MCF2L2: variants seen among roughly 807,000 people sequenced by gnomAD.
The protein encoded by MCF2L2 is MCF.2 cell line derived transforming sequence-like 2, also known as probable guanine nucleotide exchange factor MCF2L2.
A neutral mutation model predicts 150.2 loss-of-function variants in MCF2L2; 102 were observed. The observed-to-expected ratio is 0.68, with a 90% CI of 0.58 to 0.80. The LOEUF is 0.80. Ranked by LOEUF, MCF2L2 falls within the 30% of genes least tolerant of loss-of-function variation. The pLI is 0.00. For missense variants in MCF2L2, 1,256 were observed against 1,372.8 expected, an observed-to-expected ratio of 0.91 and a Z score of 1.34; for synonymous variants, 465 against 491.3, an observed-to-expected ratio of 0.95 and a Z score of 0.71.
intron 1 of MCF2L2, among the ~76,000 whole-genome samples, chr3:183,411,153 T>C (rs565263672): frequency 6.6e-6 from 1 of 152,358 alleles, no homozygotes; most frequent in East Asian, 1.9e-4. Context: ...GCTAATTTTT[T>C]TTTTGGCTTT....
chr3:183,296,814 A>C (rs1728530266), intron 12 of MCF2L2, 162 bp downstream of exon 12: 1 of 641,266 alleles, frequency 1.6e-6, no homozygotes, highest in African/African-American at 1.8e-5. Context: ...CAGGACGTTC[A>C]GGCCGAGAGT....
intron 3 of MCF2L2, among the ~76,000 whole-genome samples, chr3:183,351,210 ATATATATATATATATATATATATATATT>A (rs1275208070): frequency 8.8e-5 from 7 of 79,514 alleles, no homozygotes; most frequent in African/African-American, 1.9e-4. Context: ...ATATATATAT[ATATATATATATATATATATATATATATT>A]TATTTATTTA....
intron 3 of MCF2L2, among the ~76,000 whole-genome samples, chr3:183,348,420 A>AGGG: frequency 1.1e-5 from 1 of 89,432 alleles, no homozygotes; most frequent in African/African-American, 3.4e-5. Flanking sequence ...GGGGTCGGGT[A>AGGG]GGGGGGGCGA....
At chr3:183,281,210 A>G (rs1224956092) in intron 14 of MCF2L2, among the ~76,000 whole-genome samples, 1 of 152,144 alleles carries the variant, frequency 6.6e-6, no homozygotes, top group Non-Finnish European at 1.5e-5. Context: ...GGGTGAGAAG[A>G]AGGGAAGGAA....
At chr3:183,322,219 A>G (rs1286197330) in intron 6 of MCF2L2, among the ~76,000 whole-genome samples, 1 of 152,234 alleles carries the variant, frequency 6.6e-6, no homozygotes, top group Non-Finnish European at 1.5e-5. Context: ...CATAACAATC[A>G]CCAGTATCAG....
chr3:183,413,768 G>A (rs1715441111), intron 1 of MCF2L2, among the ~76,000 whole-genome samples: 1 of 152,138 alleles, frequency 6.6e-6, no homozygotes, highest in Non-Finnish European at 1.5e-5. Flanking sequence ...GGGTCTGTTG[G>A]CCTCATTCCT....
At chr3:183,214,884 ACT>A (rs1722859188) in intron 22 of MCF2L2, among the ~76,000 whole-genome samples, 1 of 151,904 alleles carries the variant, frequency 6.6e-6, no homozygotes, top group African/African-American at 2.4e-5. Context: ...AGTCCCAGCT[ACT>A]CAGGAGGCTG....
At chr3:183,211,636 G>A (rs994070919) in intron 22 of MCF2L2, among the ~76,000 whole-genome samples, 1 of 152,216 alleles carries the variant, frequency 6.6e-6, no homozygotes, top group Non-Finnish European at 1.5e-5. Flanking sequence ...TTTCCGTCAC[G>A]TGTACCTTTT....
chr3:183,389,836 A>G, intron 1 of MCF2L2, 57 bp from the exon 2 acceptor site: 2 of 1,408,056 alleles, frequency 1.4e-6, no homozygotes, highest in Non-Finnish European at 2.0e-6. Context: ...ACAAGAAGAA[A>G]TTAAAAAGAA....
intron 1 of MCF2L2, 123 bp downstream of exon 1, chr3:183,427,779 C>T (rs1346294521): frequency 4.8e-6 from 4 of 830,710 alleles, no homozygotes; most frequent in Admixed American, 4.6e-5. Flanking sequence ...GCCCAGATGC[C>T]GGGCAACCCC....
intron 3 of MCF2L2, 69 bp from the exon 4 acceptor site, chr3:183,341,699 G>C (rs1157145655): frequency 1.8e-6 from 2 of 1,083,808 alleles, no homozygotes; most frequent in Non-Finnish European, 1.4e-6. Flanking sequence ...TCCCACAGCA[G>C]AATACACCCT....
chr3:183,294,551 A>ATGTG lies in MCF2L2; in HGVS notation c.1675+745_1675+748dup, dbSNP rs367979993. On this transcript the variant is annotated intron_variant, in intron 13 of 29. Coordinates refer to ENST00000328913, the MANE Select transcript of MCF2L2 (RefSeq NM_015078.4). ...TATATATATATATGTATATATATGT[A>ATGTG]TGTGTGTGTGTGTGTGTGTATATAT... Among the ~76,000 whole-genome samples the ATGTG allele has an allele frequency of 8.9e-4, 124 of 139,508 alleles. 2 individuals are homozygous for ATGTG. The highest frequency in any genetic ancestry group is 3.7e-3 in the Middle Eastern group (1 of 270). 91.5% of individuals were successfully genotyped at this position (139,508 alleles called of 152,430 possible). A position where few individuals can be genotyped will look rare whatever the true frequency, so the allele number is the denominator to read the frequency against.
At chr3:183,360,402 C>T (rs994381932) in intron 3 of MCF2L2, among the ~76,000 whole-genome samples, 1 of 151,840 alleles carries the variant, frequency 6.6e-6, no homozygotes, top group Admixed American at 6.6e-5. Context: ...ATACTGTCCC[C>T]ACACAAAAAA....
chr3:183,253,791 C>G (rs1417823520), intron 15 of MCF2L2: 4 of 152,264 alleles, frequency 2.6e-5, no homozygotes, highest in Non-Finnish European at 4.4e-5. Context: ...CTTGGCGGAG[C>G]GCCCTGGGCC....
At chr3:183,234,210 TA>T (rs1723698853) in intron 15 of MCF2L2, among the ~76,000 whole-genome samples, 1 of 133,622 alleles carries the variant, frequency 7.5e-6, no homozygotes, top group Non-Finnish European at 1.6e-5. Flanking sequence ...ATCAGCCTCT[TA>T]TGCCTTCATG....
At chr3:183,368,330 T>G (rs932565003) in intron 3 of MCF2L2, among the ~76,000 whole-genome samples, 2 of 152,144 alleles carry the variant, frequency 1.3e-5, no homozygotes, top group Non-Finnish European at 2.9e-5. Flanking sequence ...CAAACTACCA[T>G]CCATCTGCCA....
At chr3:183,351,234 A>ATTTATTTATT (rs1553786141) in intron 3 of MCF2L2, among the ~76,000 whole-genome samples, 5 of 60,448 alleles carry the variant, frequency 8.3e-5, no homozygotes, top group Non-Finnish European at 1.2e-4. Context: ...ATATATATAT[A>ATTTATTTATT]TATTTATTTA....
At position 183,179,269 on chromosome 3, in the gene MCF2L2, C is replaced by A; in HGVS notation, c.*111G>T. On this transcript the variant is annotated 3_prime_UTR_variant, in exon 30 of 30. Transcript: ENST00000328913. The surrounding 1 kb of genome is among the most constrained non-coding windows in gnomAD (Gnocchi z 4.2). ...CCTGGTTGTCCCCTTTCTGCCGCCG[C>A]CGAGGCTCCGGCTGCTTTCTGCGTA... 7.5e-7 allele frequency: 1 copy of A among 1,334,554 alleles called. No homozygotes were observed. The allele number at this position is 1,334,554 out of a possible 1,614,324, so 82.7% of individuals were successfully genotyped here.
intron 24 of MCF2L2, 36 bp from the exon 25 acceptor site, chr3:183,205,990 C>T: frequency 6.3e-7 from 1 of 1,585,654 alleles, no homozygotes; most frequent in Non-Finnish European, 8.7e-7. Context: ...ATAAGACTAC[C>T]ATGAGTATTA....
Sources: gnomAD v4.1 joint callset for allele counts (sites outside exome capture counted in the v4.1 genomes callset) on GRCh38, gnomAD v4.1.1 for gene constraint, Gnocchi (gnomAD v3.1) non-coding constraint, MANE v1.5 for transcripts, NCBI Gene and HGNC (gene_info 2026-07-23, HGNC 2026-07-21) for gene names.